FAF1: variants seen among roughly 807,000 people sequenced by gnomAD.
FAF1 encodes FAS-associated factor 1.
In FAF1, 25 loss-of-function variants were observed where a neutral mutation model predicts 92.5. The observed-to-expected ratio is 0.27, with a 90% CI of 0.20 to 0.38. The LOEUF (loss-of-function observed/expected upper bound fraction) is 0.38, where lower values mean the gene tolerates loss of function less well. FAF1 is among the 10% of genes least tolerant of loss of function. FAF1 has a pLI of 1.00. For synonymous variants in FAF1, 234 were observed against 273.2 expected, an observed-to-expected ratio of 0.86 and a Z score of 1.42; for missense variants, 636 against 793.3, an observed-to-expected ratio of 0.80 and a Z score of 2.38.
intron 15 of FAF1, among the ~76,000 whole-genome samples, chr1:50,516,054 C>A (rs538330395): frequency 6.6e-6 from 1 of 152,138 alleles, no homozygotes; most frequent in African/African-American, 2.4e-5. Flanking sequence ...ATCTTCACAA[C>A]AATCTTATCA....
At chr1:50,767,053 A>G (rs546777575) in intron 4 of FAF1, among the ~76,000 whole-genome samples, 2 of 152,332 alleles carry the variant, frequency 1.3e-5, no homozygotes, top group Admixed American at 6.5e-5. Context: ...CTGAAACCCA[A>G]TAAAGGATTC....
At chr1:50,837,758 T>C (rs1644221612) in intron 2 of FAF1, among the ~76,000 whole-genome samples, 1 of 151,788 alleles carries the variant, frequency 6.6e-6, no homozygotes, top group Non-Finnish European at 1.5e-5. Context: ...TTTTTTTTTT[T>C]TTTGAGACAG....
At chr1:50,689,993 C>CTT (rs1159221059) in intron 7 of FAF1, among the ~76,000 whole-genome samples, 225 of 122,312 alleles carry the variant, frequency 1.8e-3, no homozygotes, top group East Asian at 4.4e-3. Flanking sequence ...CATTATATTT[C>CTT]TTTTTTTTTT....
intron 1 of FAF1, among the ~76,000 whole-genome samples, chr1:50,863,020 A>G (rs1644448659): frequency 6.6e-6 from 1 of 152,040 alleles, no homozygotes; most frequent in African/African-American, 2.4e-5. Context: ...TGGACTTAAC[A>G]GACATTTACA....
At chr1:50,722,644 C>G (rs1424756563) in intron 6 of FAF1, among the ~76,000 whole-genome samples, 2 of 105,712 alleles carry the variant, frequency 1.9e-5, no homozygotes, top group African/African-American at 4.4e-5. Context: ...GAGCGACAGT[C>G]TCAAAAAAAA....
At chr1:50,620,572 G>C (rs1653146552) in intron 8 of FAF1, among the ~76,000 whole-genome samples, 1 of 152,198 alleles carries the variant, frequency 6.6e-6, no homozygotes. Flanking sequence ...TTTTGGAATG[G>C]TTAAGAACCA....
intron 6 of FAF1, among the ~76,000 whole-genome samples, chr1:50,720,000 CTTT>C (rs202064951): frequency 6.9e-6 from 1 of 144,266 alleles, no homozygotes. Flanking sequence ...ATTAAACACA[CTTT>C]TTTTTTTTTT....
intron 6 of FAF1, among the ~76,000 whole-genome samples, chr1:50,729,925 G>C (rs1188756408): frequency 6.6e-6 from 1 of 152,064 alleles, no homozygotes; most frequent in East Asian, 1.9e-4. Context: ...GGAGGCTGAC[G>C]CAGGAGAGTT....
chr1:50,873,969 T>G (rs183807448), intron 1 of FAF1, among the ~76,000 whole-genome samples: 1 of 152,286 alleles, frequency 6.6e-6, no homozygotes, highest in East Asian at 1.9e-4. Context: ...GCCCCTAGTA[T>G]CTACATCCAG....
chr1:50,779,191 C>T (rs1323030611), intron 4 of FAF1, among the ~76,000 whole-genome samples: 1 of 152,154 alleles, frequency 6.6e-6, no homozygotes, highest in Non-Finnish European at 1.5e-5. Flanking sequence ...CTATTTCTAC[C>T]AGATCTGCAG....
intron 2 of FAF1, among the ~76,000 whole-genome samples, chr1:50,812,629 T>C (rs1025879919): frequency 1.3e-5 from 2 of 152,190 alleles, no homozygotes; most frequent in Non-Finnish European, 2.9e-5. Flanking sequence ...TTGGTGGCAA[T>C]GTAACTTAGT....
chr1:50,717,812 C>T (rs1035342032), intron 6 of FAF1, among the ~76,000 whole-genome samples: 4 of 151,936 alleles, frequency 2.6e-5, no homozygotes, highest in South Asian at 2.1e-4. Context: ...AACCAGCCTG[C>T]GCAACATAGC....
chr1:50,740,855 A>G (rs981121697), intron 5 of FAF1, among the ~76,000 whole-genome samples: 3 of 151,782 alleles, frequency 2.0e-5, no homozygotes, highest in Non-Finnish European at 4.4e-5. Flanking sequence ...ACACACACAA[A>G]TTATTTTTCT....
intron 17 of FAF1, among the ~76,000 whole-genome samples, chr1:50,476,730 A>T (rs1355327280): frequency 6.6e-6 from 1 of 152,228 alleles, no homozygotes; most frequent in Non-Finnish European, 1.5e-5. Flanking sequence ...AAATAAGTGA[A>T]TTAAGAATTA....
intron 12 of FAF1, among the ~76,000 whole-genome samples, chr1:50,577,027 C>T (rs1650780350): frequency 6.6e-6 from 1 of 152,056 alleles, no homozygotes; most frequent in African/African-American, 2.4e-5. Flanking sequence ...CATGCCTTGG[C>T]CCCCACTGAT....
At chr1:50,678,378 T>C (rs775715121) in intron 7 of FAF1, among the ~76,000 whole-genome samples, 1 of 152,206 alleles carries the variant, frequency 6.6e-6, no homozygotes, top group Non-Finnish European at 1.5e-5. Context: ...TCACACAGTC[T>C]TAAGTTATCC....
At chr1:50,699,103 C>T (rs552668622) in intron 7 of FAF1, among the ~76,000 whole-genome samples, 4 of 151,878 alleles carry the variant, frequency 2.6e-5, no homozygotes, top group South Asian at 4.2e-4. Context: ...AACATGGTGG[C>T]GGTAATATAT....
At chr1:50,875,304 T>G (rs1346844528) in intron 1 of FAF1, among the ~76,000 whole-genome samples, 1 of 152,156 alleles carries the variant, frequency 6.6e-6, no homozygotes, top group Non-Finnish European at 1.5e-5. Flanking sequence ...ATTTATCACG[T>G]ACAATATAAT....
chr1:50,539,716 CATAGTGAGAAATCTAAAAGGAG>C lies in FAF1; in HGVS notation c.1269-10_1280del. The C allele has an allele frequency of 1.2e-6, 2 of 1,610,796 alleles. No homozygotes were observed. The highest frequency in any genetic ancestry group is 1.7e-6 in the Non-Finnish European group (2 of 1,178,316). ...CAACACTGCCAAAGTGTCTATTGCA[CATAGTGAGAAATCTAAAAGGAG>C]ACAAAATACAAAGTAAGTTTTGCTT... On this transcript the variant is annotated splice_acceptor_variant and splice_polypyrimidine_tract_variant and coding_sequence_variant and intron_variant, in exon 14 of 19. Coordinates refer to ENST00000396153, the MANE Select transcript of FAF1 (RefSeq NM_007051.3). LOFTEE classifies it high-confidence loss of function.
Sources: gnomAD v4.1 joint callset for allele counts (sites outside exome capture counted in the v4.1 genomes callset) on GRCh38, gnomAD v4.1.1 for gene constraint, MANE v1.5 for transcripts, NCBI Gene and HGNC (gene_info 2026-07-23, HGNC 2026-07-21) for gene names.